The following OTOGL variants were observed in gnomAD, a reference collection of about 807,000 sequenced individuals.
OTOGL encodes otogelin-like protein.
In OTOGL, 285 loss-of-function variants were observed where a neutral mutation model predicts 318.5. That is an observed-to-expected ratio of 0.89 (90% CI 0.81 to 0.99). The LOEUF (loss-of-function observed/expected upper bound fraction) is 0.99, where lower values mean the gene tolerates loss of function less well. Among genes scored for constraint, OTOGL ranks in the 50% least tolerant of loss-of-function variants. OTOGL has a pLI of 0.00. For synonymous variants in OTOGL, 987 were observed against 936.5 expected, an observed-to-expected ratio of 1.05 and a Z score of -0.99; for missense variants, 2,899 against 2,845.6, an observed-to-expected ratio of 1.02 and a Z score of -0.43.
At chr12:80,239,921 C>T (rs984704741) in intron 11 of OTOGL, among the ~76,000 whole-genome samples, 3 of 152,212 alleles carry the variant, frequency 2.0e-5, no homozygotes, top group East Asian at 1.9e-4. Context: ...CACCAATCTA[C>T]ACTCTATCTT....
intron 19 of OTOGL, among the ~76,000 whole-genome samples, chr12:80,262,352 T>C (rs1882615055): frequency 6.6e-6 from 1 of 152,112 alleles, no homozygotes; most frequent in Non-Finnish European, 1.5e-5. Flanking sequence ...TTATTTTAGA[T>C]GTTTAGAAAT....
chr12:80,144,560 G>T (rs1201178406), intron 1 of OTOGL, among the ~76,000 whole-genome samples: 3 of 151,018 alleles, frequency 2.0e-5, no homozygotes, highest in African/African-American at 7.4e-5. Context: ...TAGTCCTTTG[G>T]GTATATATCC....
At chr12:80,320,822 A>G in intron 34 of OTOGL, 122 bp downstream of exon 34, 1 of 1,038,672 alleles carries the variant, frequency 9.6e-7, no homozygotes, top group Non-Finnish European at 1.4e-6. Flanking sequence ...TTATGACCTT[A>G]AGTAAGTGTC....
chr12:80,256,275 G>A (rs1051737797), intron 16 of OTOGL, 62 bp from the exon 17 acceptor site: 8 of 1,505,664 alleles, frequency 5.3e-6, no homozygotes, highest in Non-Finnish European at 7.2e-6. Flanking sequence ...CCACCTTCCT[G>A]TCTCTTTCTA....
intron 11 of OTOGL, among the ~76,000 whole-genome samples, chr12:80,250,746 G>A (rs1282771144): frequency 6.6e-6 from 1 of 152,156 alleles, no homozygotes. Context: ...AAAATGTTAA[G>A]CCTCACAAAA....
At chr12:80,109,593 T>C (rs1294472743) in intron 1 of OTOGL, among the ~76,000 whole-genome samples, 1 of 152,160 alleles carries the variant, frequency 6.6e-6, no homozygotes, top group Non-Finnish European at 1.5e-5. Flanking sequence ...ACAGAACACT[T>C]TAACACTAGC....
intron 48 of OTOGL, 122 bp from the exon 49 acceptor site, chr12:80,356,685 T>C: frequency 3.2e-6 from 2 of 623,850 alleles, no homozygotes; most frequent in Non-Finnish European, 5.1e-6. Flanking sequence ...TATATATGTA[T>C]ATATATATAT....
chr12:80,357,008 C>G (rs1592751475), intron 49 of OTOGL, 94 bp downstream of exon 49: 4 of 640,820 alleles, frequency 6.2e-6, no homozygotes, highest in Non-Finnish European at 1.0e-5. Context: ...TGATGGCAAG[C>G]AATATTCTGA....
chr12:80,235,460 T>G (rs1879756663), intron 9 of OTOGL, among the ~76,000 whole-genome samples: 1 of 81,012 alleles, frequency 1.2e-5, no homozygotes, highest in African/African-American at 5.0e-5. Flanking sequence ...AGAGCAAGAC[T>G]CTGTCTCAAA....
chr12:80,370,181 T>C (rs1366190531), intron 55 of OTOGL, among the ~76,000 whole-genome samples: 3 of 151,948 alleles, frequency 2.0e-5, no homozygotes, highest in Non-Finnish European at 2.9e-5. Context: ...TGATTTGTTG[T>C]TTTATAATTA....
chr12:80,246,088 C>A (rs1469616888), intron 11 of OTOGL, among the ~76,000 whole-genome samples: 1 of 151,520 alleles, frequency 6.6e-6, no homozygotes, highest in African/African-American at 2.4e-5. Context: ...TTTCTAGATA[C>A]ACAATCATGT....
rs752803895 is a variant in OTOGL, at chr12:80,377,978, G to A, written c.6992G>A (p.Cys2331Tyr). 2 of 1,605,080 alleles carry A rather than the reference G, an allele frequency of 1.2e-6. No individual in the cohort carries two copies. The highest frequency in any genetic ancestry group is 1.1e-5 in the South Asian group (1 of 89,440). ...GVRNLSVPLY[C>Y]SGNGTEIMYT... ...CGAAACTTGTCTGTGCCTCTGTATT[G>A]CTCAGGAAATGGCACTGAAATTATG... Residue 2331 changes from cysteine (C) to tyrosine (Y), a missense_variant, in exon 59 of 59, where the codon TGC becomes TAC. Cys to Tyr is a radical substitution (Grantham distance 194). Transcript: ENST00000547103.
intron 1 of OTOGL, among the ~76,000 whole-genome samples, chr12:80,155,874 G>C (rs960775006): frequency 2.0e-5 from 3 of 152,112 alleles, no homozygotes; most frequent in Non-Finnish European, 4.4e-5. Flanking sequence ...TGTGATATTT[G>C]TCTTTCTGTG....
intron 1 of OTOGL, among the ~76,000 whole-genome samples, chr12:80,167,835 T>G (rs1442669373): frequency 2.0e-5 from 3 of 151,634 alleles, no homozygotes; most frequent in Non-Finnish European, 4.4e-5. Flanking sequence ...AAATGGAAAA[T>G]AAGTGCAAAA....
intron 1 of OTOGL, among the ~76,000 whole-genome samples, chr12:80,121,516 T>A (rs1047458176): frequency 3.3e-5 from 5 of 151,810 alleles, no homozygotes; most frequent in African/African-American, 1.2e-4. Flanking sequence ...GAGCAGAGAG[T>A]CTATATAACA....
intron 1 of OTOGL, among the ~76,000 whole-genome samples, chr12:80,195,080 C>T (rs1875963916): frequency 6.6e-6 from 1 of 152,234 alleles, no homozygotes; most frequent in Non-Finnish European, 1.5e-5. Flanking sequence ...TCTCAGAATA[C>T]AATTTTTAAA....
At chr12:80,325,197 GC>G (rs575316047) in intron 35 of OTOGL, among the ~76,000 whole-genome samples, 71 of 152,020 alleles carry the variant, frequency 4.7e-4, no homozygotes, top group African/African-American at 1.7e-3. Context: ...GTAAGATCCA[GC>G]CCCTCTGTAA....
At chr12:80,172,551 G>A (rs1874273722) in intron 1 of OTOGL, among the ~76,000 whole-genome samples, 1 of 152,072 alleles carries the variant, frequency 6.6e-6, no homozygotes, top group Non-Finnish European at 1.5e-5. Flanking sequence ...GAAGAGCATC[G>A]GGATTGCCTC....
chr12:80,223,549 C>T (rs545879117), intron 7 of OTOGL, among the ~76,000 whole-genome samples: 13 of 152,072 alleles, frequency 8.5e-5, no homozygotes, highest in African/African-American at 2.4e-4. Flanking sequence ...TACCAACAAC[C>T]GTGTGAAAGT....
Sources: gnomAD v4.1 joint callset for allele counts (sites outside exome capture counted in the v4.1 genomes callset) on GRCh38, gnomAD v4.1.1 for gene constraint, MANE v1.5 for transcripts, NCBI Gene and HGNC (gene_info 2026-07-23, HGNC 2026-07-21) for gene names.